Variants in BCAS3 observed in about 807,000 individuals in gnomAD.
BCAS3 encodes BCAS4/BCAS3 fusion.
A neutral mutation model predicts 116.1 loss-of-function variants in BCAS3; 53 were observed. The observed-to-expected ratio is 0.46, with a 90% confidence interval of 0.37 to 0.57. The LOEUF is 0.57. Ranked by LOEUF, BCAS3 falls within the 20% of genes least tolerant of loss-of-function variation. The probability of loss-of-function intolerance (pLI) is 0.00; values close to 1 mark genes in which losing one functional copy is unlikely to be tolerated. For synonymous variants in BCAS3, 391 were observed against 408.2 expected (o/e 0.96, Z 0.51); for missense variants, 917 against 1,165.4 (o/e 0.79, Z 3.10).
intron 13 of BCAS3, among the ~76,000 whole-genome samples, chr17:60,926,464 A>T (rs919453033): frequency 5.9e-5 from 9 of 152,214 alleles, no homozygotes; most frequent in Non-Finnish European, 1.0e-4. Flanking sequence ...TAAATAATCT[A>T]CCCTCTAATA....
At chr17:61,127,095 A>G (rs1271069505) in intron 22 of BCAS3, among the ~76,000 whole-genome samples, 2 of 152,160 alleles carry the variant, frequency 1.3e-5, no homozygotes, top group Non-Finnish European at 2.9e-5. Context: ...CTTCCACTTC[A>G]CTACCAGCTA....
intron 14 of BCAS3, among the ~76,000 whole-genome samples, chr17:60,989,170 ATTAAT>A (rs1331800811): frequency 6.6e-6 from 1 of 152,112 alleles, no homozygotes; most frequent in Non-Finnish European, 1.5e-5. Flanking sequence ...GTGGTGGAAA[ATTAAT>A]TTAGTCAGTG....
chr17:61,072,540 C>G (rs1460587653), intron 19 of BCAS3, among the ~76,000 whole-genome samples: 1 of 152,066 alleles, frequency 6.6e-6, no homozygotes, highest in Non-Finnish European at 1.5e-5. Flanking sequence ...CTAGTCTAGG[C>G]TCAGCATATA....
chr17:61,167,867 A>G (rs561356978), intron 22 of BCAS3, among the ~76,000 whole-genome samples: 3 of 151,946 alleles, frequency 2.0e-5, no homozygotes, highest in Non-Finnish European at 4.4e-5. Context: ...ATTCGTAGCT[A>G]TTTTCTTTTT....
chr17:60,731,523 G>A (rs531047667), intron 5 of BCAS3, among the ~76,000 whole-genome samples: 3 of 152,216 alleles, frequency 2.0e-5, no homozygotes, highest in South Asian at 2.1e-4. Flanking sequence ...ATTTAAATGG[G>A]TTACGTGAGG....
chr17:61,371,279 A>G (rs1855491878), intron 23 of BCAS3, among the ~76,000 whole-genome samples: 2 of 152,192 alleles, frequency 1.3e-5, no homozygotes, highest in Admixed American at 6.5e-5. Flanking sequence ...GGCCAATTTC[A>G]ACCTGTCACA....
chr17:60,851,120 G>T (rs923760256), intron 7 of BCAS3, among the ~76,000 whole-genome samples: 1 of 152,170 alleles, frequency 6.6e-6, no homozygotes, highest in Non-Finnish European at 1.5e-5. Flanking sequence ...CTTTTGCTCC[G>T]TGAAAGATTA....
chr17:60,870,630 T>A (rs2055018956), intron 8 of BCAS3, among the ~76,000 whole-genome samples: 1 of 152,200 alleles, frequency 6.6e-6, no homozygotes. Flanking sequence ...AATAAAACAG[T>A]AATTTATAAA....
intron 22 of BCAS3, among the ~76,000 whole-genome samples, chr17:61,195,905 T>C (rs1177043955): frequency 1.3e-5 from 2 of 152,230 alleles, no homozygotes; most frequent in Non-Finnish European, 2.9e-5. Flanking sequence ...TGATTGTTTG[T>C]AGACTGTAGT....
chr17:60,866,380 C>T (rs565172648), intron 7 of BCAS3, among the ~76,000 whole-genome samples: 16 of 152,162 alleles, frequency 1.1e-4, no homozygotes, highest in East Asian at 9.7e-4. Context: ...CCACCTGCCT[C>T]GGCCTCCCAA....
chr17:61,266,590 C>T (rs2049736209), intron 22 of BCAS3, among the ~76,000 whole-genome samples: 1 of 152,112 alleles, frequency 6.6e-6, no homozygotes, highest in Admixed American at 6.5e-5. Context: ...GAAAATTTTC[C>T]TGCCTAGTGT....
chr17:61,043,245 G>A (rs2067694666), intron 19 of BCAS3, among the ~76,000 whole-genome samples: 1 of 151,902 alleles, frequency 6.6e-6, no homozygotes, highest in South Asian at 2.1e-4. Context: ...GCGTGCACCT[G>A]TACTCCCAGC....
chr17:60,938,711 AAGAT>A (rs77328962), intron 13 of BCAS3, among the ~76,000 whole-genome samples: 6,431 of 146,640 alleles, frequency 0.044, 201 homozygotes, highest in African/African-American at 0.085. Context: ...TTTCTGATAG[AAGAT>A]AGATAGATAG....
chr17:60,743,787 C>A (rs1290297996), intron 5 of BCAS3, among the ~76,000 whole-genome samples: 1 of 152,128 alleles, frequency 6.6e-6, no homozygotes, highest in East Asian at 1.9e-4. Context: ...ACTTGTGTAG[C>A]CTTTTCTGTG....
In BCAS3 at chr17:61,368,052, G is replaced by T. The variant is rs887208885; in HGVS notation, c.2426-275G>T. ...TTGCCTTCCCCGTCCCACTTCTTAAGGTGGTCCCTGAAGACCAGGGGAACC... is the reference window on the plus strand; with the variant it reads ...TTGCCTTCCCCGTCCCACTTCTTAATGTGGTCCCTGAAGACCAGGGGAACC... On this transcript the variant is annotated intron_variant, in intron 22 of 23. Transcript: ENST00000407086. The surrounding 1 kb of genome is among the most constrained non-coding windows in gnomAD (Gnocchi z 6.0). 10 of 315,244 alleles carry T rather than the reference G, an allele frequency of 3.2e-5. No individual in the cohort carries two copies. The highest frequency in any genetic ancestry group is 5.2e-5 in the Non-Finnish European group (9 of 172,516). The allele number at this position is 315,244 out of a possible 1,614,324, so 19.5% of individuals were successfully genotyped here.
intron 14 of BCAS3, among the ~76,000 whole-genome samples, chr17:60,989,241 G>A (rs779755080): frequency 2.0e-5 from 3 of 152,048 alleles, no homozygotes; most frequent in Non-Finnish European, 1.5e-5. Context: ...GCTTAAAAAT[G>A]CTTATAACAG....
chr17:61,208,269 A>G lies in BCAS3; in HGVS notation c.2425+123705A>G, dbSNP rs1179168815. 1.3e-5 allele frequency among the ~76,000 whole-genome samples: 2 copies of G among 151,994 alleles called. No individual in the cohort carries two copies. Among genetic ancestry groups the G allele is most frequent in the Non-Finnish European group, 2.9e-5 (2 of 68,012 alleles). ...TATATTTGACTTTTCACTGTGTTTC[A>G]TTTTGTCTAAAGCGGGACTCTTCTC... On this transcript the variant is annotated intron_variant, in intron 22 of 23. Coordinates refer to ENST00000407086, the MANE Select transcript of BCAS3 (RefSeq NM_017679.5). This position sits in a 1 kb window ranked among gnomAD's most constrained non-coding sequence, Gnocchi z 4.5.
Position 61,026,922 on chromosome 17 carries a change from T to A in BCAS3, c.1638-7744T>A. 6.3e-7 allele frequency: 1 copy of A among 1,598,086 alleles called. No homozygotes were observed. The highest frequency in any genetic ancestry group is 8.5e-7 in the Non-Finnish European group (1 of 1,171,002). On this transcript the variant is annotated intron_variant, in intron 16 of 23. Coordinates refer to ENST00000407086, the MANE Select transcript of BCAS3 (RefSeq NM_017679.5). The surrounding 1 kb of genome is among the most constrained non-coding windows in gnomAD (Gnocchi z 5.0). ...ATAAAAGCCCCATGGTGAGTTCCAG[T>A]TCAGTCCCGCATGCCTCATTCATTT...
At chr17:61,340,549 G>T (rs940606929) in intron 22 of BCAS3, among the ~76,000 whole-genome samples, 1 of 152,184 alleles carries the variant, frequency 6.6e-6, no homozygotes, top group South Asian at 2.1e-4. Flanking sequence ...TTAAAGGTCC[G>T]TCTGGTGTGA....
Sources: allele counts gnomAD v4.1 joint callset (sites outside exome capture counted in the v4.1 genomes callset), GRCh38; gene constraint gnomAD v4.1.1; non-coding constraint Gnocchi (gnomAD v3.1); transcripts MANE v1.5; gene names NCBI Gene and HGNC (gene_info 2026-07-23, HGNC 2026-07-21).